PRPF39: variants seen among roughly 807,000 people sequenced by gnomAD.
PRPF39 encodes pre-mRNA processing factor 39, also known as pre-mRNA-processing factor 39.
A neutral mutation model predicts 82.1 loss-of-function variants in PRPF39; 27 were observed. The ratio of observed to expected loss-of-function variants is 0.33; its 90% CI spans 0.24 to 0.45. The LOEUF is 0.45. Among genes scored for constraint, PRPF39 ranks in the 20% least tolerant of loss-of-function variants. The probability of loss-of-function intolerance (pLI) is 1.00; values close to 1 mark genes in which losing one functional copy is unlikely to be tolerated. For missense variants in PRPF39, 581 were observed against 796.9 expected, an observed-to-expected ratio of 0.73 and a Z score of 3.26; for synonymous variants, 261 against 256.4, an observed-to-expected ratio of 1.02 and a Z score of -0.17.
intron 4 of PRPF39, among the ~76,000 whole-genome samples, chr14:45,101,068 T>TA (rs2139051585): frequency 6.6e-6 from 1 of 152,336 alleles, no homozygotes; most frequent in East Asian, 1.9e-4. Context: ...GGCTCTGTAC[T>TA]GTTCATCCAT....
intron 4 of PRPF39, 33 bp downstream of exon 4, chr14:45,097,038 A>G: frequency 1.1e-5 from 17 of 1,496,006 alleles, no homozygotes; most frequent in South Asian, 9.6e-5. Context: ...AATGTTTTTT[A>G]TGATATAAAT....
At chr14:45,095,846 T>C in intron 2 of PRPF39, 1 of 477,788 alleles carries the variant, frequency 2.1e-6, no homozygotes. Flanking sequence ...TTCCTTCTGT[T>C]TCAATTGCGT....
intron 1 of PRPF39, among the ~76,000 whole-genome samples, chr14:45,092,600 CA>C (rs775755309): frequency 0.091 from 4,696 of 51,574 alleles, 83 homozygotes; most frequent in African/African-American, 0.22. Flanking sequence ...GACTCTGTCT[CA>C]AAAAAAAAAA....
At chr14:45,109,447 T>C (rs1884637026) in intron 7 of PRPF39, among the ~76,000 whole-genome samples, 169 bp from the exon 8 acceptor site, 1 of 152,006 alleles carries the variant, frequency 6.6e-6, no homozygotes, top group Non-Finnish European at 1.5e-5. Context: ...CATTTGTTTG[T>C]AAAGCTTAAG....
intron 1 of PRPF39, among the ~76,000 whole-genome samples, chr14:45,093,223 A>T: frequency 6.9e-6 from 1 of 145,466 alleles, no homozygotes; most frequent in African/African-American, 2.8e-5. Context: ...ATTATATATG[A>T]TTTATTTTTT....
In PRPF39 at chr14:45,093,227, A is replaced by ATT. The variant is rs113333114; in HGVS notation, c.-19-1982_-19-1981dup. Among the ~76,000 whole-genome samples, 558 of 146,190 alleles carry ATT rather than the reference A, an allele frequency of 3.8e-3. 5 individuals carry two copies. The highest frequency in any genetic ancestry group is 0.013 in the African/African-American group (528 of 39,920). Reference sequence around the variant, plus strand: ...CTTATTATTCCATTATATATGATTTATTTTTTTTTTTTTGAGACGGAATCT... The same window carrying ATT: ...CTTATTATTCCATTATATATGATTTATTTTTTTTTTTTTTTGAGACGGAATCT... On this transcript the variant is annotated intron_variant, in intron 1 of 13. Transcript: ENST00000355765.
In PRPF39 at chr14:45,109,621, A is replaced by G. The variant is rs1884644598; in HGVS notation, c.1017A>G (p.Lys339=). 6.3e-7 allele frequency: 1 copy of G among 1,599,510 alleles called. No homozygotes were observed. The highest frequency in any genetic ancestry group is 8.5e-7 in the Non-Finnish European group (1 of 1,173,440). ...SKRWTFEEGI[K]RPYFHVKPLE... ...ATGTTACAATTTCATTTCAGATTAA[A>G]AGACCTTACTTTCATGTGAAACCTT... The change falls in exon 8 of 14, where the codon AAA becomes AAG. Residue 339 remains lysine (K), a synonymous_variant. Transcript: ENST00000355765.
At chr14:45,112,254 T>A (rs1399953494) in intron 10 of PRPF39, 64 bp from the exon 11 acceptor site, 1 of 1,330,124 alleles carries the variant, frequency 7.5e-7, no homozygotes, top group Non-Finnish European at 1.0e-6. Context: ...ACTAAGGCAT[T>A]TTAAATATCT....
chr14:45,097,195 T>C (rs371264999), intron 4 of PRPF39, among the ~76,000 whole-genome samples, 190 bp downstream of exon 4: 2 of 152,178 alleles, frequency 1.3e-5, no homozygotes, highest in South Asian at 2.1e-4. Context: ...AGTCCATGCC[T>C]CTTATGTCCC....
intron 1 of PRPF39, among the ~76,000 whole-genome samples, chr14:45,086,073 A>C (rs537317695): frequency 1.7e-4 from 26 of 152,100 alleles, no homozygotes; most frequent in African/African-American, 5.5e-4. Flanking sequence ...CCTCCCCAGT[A>C]GCTGGGATTA....
chr14:45,091,037 T>A lies in PRPF39; in HGVS notation c.-19-4184T>A, dbSNP rs551306186. Among the ~76,000 whole-genome samples the A allele has an allele frequency of 2.6e-5, 4 of 151,430 alleles. No individual in the cohort carries two copies. In the East Asian group the frequency reaches 7.7e-4, roughly 29 times the overall value. On this transcript the variant is annotated intron_variant, in intron 1 of 13. Coordinates refer to ENST00000355765, the MANE Select transcript of PRPF39 (RefSeq NM_017922.4). ...CTTTCTTAGGAAAAAAATAGTTTCA[T>A]ACTATTTGTTCTTTCTTTTTCTTTT...
intron 4 of PRPF39, among the ~76,000 whole-genome samples, chr14:45,098,459 AAAAG>A (rs975973355): frequency 3.3e-5 from 5 of 151,104 alleles, no homozygotes; most frequent in Admixed American, 6.6e-5. Flanking sequence ...AAAAAAAAAA[AAAAG>A]AGAGAGAGAT....
At position 45,116,069 on chromosome 14, in the gene PRPF39, T is replaced by C. The variant is rs1184653704; in HGVS notation, c.*1156T>C. The stretch of plus-strand genomic sequence containing the variant: ...GCTGGGACCAAGTAAACAAATTTTA[T>C]TAACTCCTTGAATTTTCCAGTTGAC... On this transcript the variant is annotated 3_prime_UTR_variant, in exon 14 of 14. Transcript: ENST00000355765. 1 of 645,404 alleles carries C rather than the reference T, an allele frequency of 1.5e-6. No individual in the cohort carries two copies. Among genetic ancestry groups the C allele is most frequent in the Non-Finnish European group, 2.7e-6 (1 of 364,154 alleles). The allele number at this position is 645,404 out of a possible 1,614,324, so 40.0% of individuals were successfully genotyped here. A position where few individuals can be genotyped will look rare whatever the true frequency, so the allele number is the denominator to read the frequency against.
In PRPF39 at chr14:45,107,634, A is replaced by G; in HGVS notation, c.903+18A>G. ...CTGCAAAGGTAACCAGTCTTATTCT[A>G]AAGTTCGTCAGTGGCCAGGTATGGT... On this transcript the variant is annotated intron_variant, in intron 6 of 13. Coordinates refer to ENST00000355765, the MANE Select transcript of PRPF39 (RefSeq NM_017922.4). 4 of 1,547,644 alleles carry G rather than the reference A, an allele frequency of 2.6e-6. No individual in the cohort carries two copies. Among genetic ancestry groups the G allele is most frequent in the East Asian group, 2.4e-5 (1 of 40,844 alleles).
intron 3 of PRPF39, chr14:45,096,613 C>G: frequency 6.8e-7 from 1 of 1,469,688 alleles, no homozygotes; most frequent in Non-Finnish European, 9.1e-7. Context: ...CATTGATGCT[C>G]TAATGGGTCT....
At chr14:45,114,104 C>T in intron 11 of PRPF39, 79 bp from the exon 12 acceptor site, 1 of 1,090,412 alleles carries the variant, frequency 9.2e-7, no homozygotes, top group Non-Finnish European at 1.3e-6. Flanking sequence ...AGGCAGTTTC[C>T]TAAGTAAAAA....
chr14:45,112,652 T>TTCAA, intron 11 of PRPF39, 150 bp downstream of exon 11: 1 of 777,090 alleles, frequency 1.3e-6, no homozygotes, highest in Non-Finnish European at 1.8e-6. Flanking sequence ...TGGGGGTAAA[T>TTCAA]TCAATTTTGT....
intron 12 of PRPF39, 43 bp downstream of exon 12, chr14:45,114,300 G>C (rs1482873432): frequency 2.1e-6 from 3 of 1,456,028 alleles, no homozygotes; most frequent in Non-Finnish European, 2.8e-6. Flanking sequence ...GCTTCATTAT[G>C]GAAATGCCTT....
chr14:45,114,288 G>T (rs781675667), intron 12 of PRPF39, 31 bp downstream of exon 12: 1 of 1,503,948 alleles, frequency 6.6e-7, no homozygotes, highest in South Asian at 1.2e-5. Context: ...TCAAGAAGGC[G>T]TGCTTCATTA....
Sources: allele counts gnomAD v4.1 joint callset (sites outside exome capture counted in the v4.1 genomes callset), GRCh38; gene constraint gnomAD v4.1.1; transcripts MANE v1.5; gene names NCBI Gene and HGNC (gene_info 2026-07-23, HGNC 2026-07-21).